Variants in LRRC28 observed in about 807,000 individuals in gnomAD.
LRRC28 encodes leucine rich repeat containing 28.
Under a neutral mutation model 45.7 loss-of-function variants are expected in LRRC28, and 39 were observed. The ratio of observed to expected loss-of-function variants is 0.85; its 90% CI spans 0.66 to 1.12. The LOEUF is 1.12. Among genes scored for constraint, LRRC28 ranks in the 50% most tolerant of loss-of-function variants. The probability of loss-of-function intolerance (pLI) is 0.00; values close to 1 mark genes in which losing one functional copy is unlikely to be tolerated. For synonymous variants in LRRC28, 206 were observed against 178.8 expected, an observed-to-expected ratio of 1.15 and a Z score of -1.22; for missense variants, 435 against 438.5, an observed-to-expected ratio of 0.99 and a Z score of 0.07.
intron 3 of LRRC28, 110 bp from the exon 4 acceptor site, chr15:99,287,147 A>G (rs1359695405): frequency 2.4e-6 from 2 of 848,888 alleles, no homozygotes; most frequent in African/African-American, 3.6e-5. Context: ...AGGGTGCAAA[A>G]GTTGTGGCCT....
In LRRC28 at chr15:99,370,038, A is replaced by T. The variant is rs568528076; in HGVS notation, c.1031+6773A>T. Among the ~76,000 whole-genome samples, 8 of 152,344 alleles carry T rather than the reference A, an allele frequency of 5.3e-5. No homozygotes were observed. In the East Asian group the frequency reaches 1.5e-3, roughly 29 times the overall value. On this transcript the variant is annotated intron_variant, in intron 9 of 9. Transcript: ENST00000301981. The stretch of plus-strand genomic sequence containing the variant: ...TTAGTACTGTAAGATAGGTACTATC[A>T]TTAAGTTGAATCATACAAGTCATAT...
Position 99,386,945 on chromosome 15 carries a change from AAC to A in LRRC28, c.*849_*850del, listed in dbSNP as rs545972698. Reference sequence around the variant, plus strand: ...TCCATACAATGAGAAAGGGGGAGAAAACACACATTGAAATAAGACCTCCGTGT... The same window carrying A: ...TCCATACAATGAGAAAGGGGGAGAAAACACATTGAAATAAGACCTCCGTGT... On this transcript the variant is annotated 3_prime_UTR_variant, in exon 10 of 10. Coordinates refer to ENST00000301981, the MANE Select transcript of LRRC28 (RefSeq NM_144598.5). 1.0e-3 allele frequency: 158 copies of A among 152,318 alleles called. No homozygotes were observed. The highest frequency in any genetic ancestry group is 3.5e-3 in the African/African-American group (147 of 41,572). The allele number at this position is 152,318 out of a possible 1,614,324, so 9.4% of individuals were successfully genotyped here.
At position 99,386,796 on chromosome 15, in the gene LRRC28, G is replaced by C. The variant is rs1317313206; in HGVS notation, c.*694G>C. ...AATACACTTCCTGTTTTTTAAAAGT[G>C]TTTGCAGAAAAATGATTTTTGAAGT... On this transcript the variant is annotated 3_prime_UTR_variant, in exon 10 of 10. Transcript: ENST00000301981. The C allele has an allele frequency of 6.6e-6, 1 of 152,126 alleles. No individual in the cohort carries two copies. The highest frequency in any genetic ancestry group is 1.5e-5 in the Non-Finnish European group (1 of 68,020). 9.4% of individuals were successfully genotyped at this position (152,126 alleles called of 1,614,324 possible).
intron 3 of LRRC28, among the ~76,000 whole-genome samples, chr15:99,286,526 C>T (rs2081964858): frequency 6.6e-6 from 1 of 152,118 alleles, no homozygotes; most frequent in Non-Finnish European, 1.5e-5. Flanking sequence ...AATTTATTTT[C>T]TTAAATTATT....
chr15:99,284,537 G>T, intron 3 of LRRC28: 2 of 457,146 alleles, frequency 4.4e-6, no homozygotes, highest in Admixed American at 2.3e-5. Context: ...GCTTGGCTGA[G>T]TTCACAAAAC....
intron 5 of LRRC28, among the ~76,000 whole-genome samples, chr15:99,305,527 GAA>G (rs908004119): frequency 6.6e-6 from 1 of 151,998 alleles, no homozygotes; most frequent in African/African-American, 2.4e-5. Flanking sequence ...ATGTTTATAA[GAA>G]AAAAGTATTT....
At chr15:99,365,633 T>C (rs1326715772) in intron 9 of LRRC28, among the ~76,000 whole-genome samples, 1 of 152,256 alleles carries the variant, frequency 6.6e-6, no homozygotes. Context: ...CTTTCTAAGT[T>C]TTCTAATATA....
At chr15:99,332,472 A>C (rs773638110) in intron 5 of LRRC28, among the ~76,000 whole-genome samples, 2 of 152,256 alleles carry the variant, frequency 1.3e-5, no homozygotes, top group Non-Finnish European at 2.9e-5. Context: ...TTTATAAAGT[A>C]AAATAATTAT....
rs1452759371 is a variant in LRRC28, at chr15:99,387,238, T to C, written c.*1136T>C. On this transcript the variant is annotated 3_prime_UTR_variant, in exon 10 of 10. Coordinates refer to ENST00000301981, the MANE Select transcript of LRRC28 (RefSeq NM_144598.5). Reference sequence around the variant, plus strand: ...ACCACGCCCGGCTAATTTTTTGTATTTTTAGTAGAGACGGGGTTTCACCGT... The same window carrying C: ...ACCACGCCCGGCTAATTTTTTGTATCTTTAGTAGAGACGGGGTTTCACCGT... 1 of 149,830 alleles carries C rather than the reference T, an allele frequency of 6.7e-6. No homozygotes were observed. The highest frequency in any genetic ancestry group is 2.2e-4 in the South Asian group (1 of 4,584). 9.3% of individuals were successfully genotyped at this position (149,830 alleles called of 1,614,324 possible). A position where few individuals can be genotyped will look rare whatever the true frequency, so the allele number is the denominator to read the frequency against.
chr15:99,275,902 G>A (rs1232532957), intron 2 of LRRC28, among the ~76,000 whole-genome samples: 1 of 152,134 alleles, frequency 6.6e-6, no homozygotes, highest in African/African-American at 2.4e-5. Flanking sequence ...GAACGGGGCC[G>A]CACAGCAGGA....
chr15:99,343,493 A>C (rs779583659), intron 6 of LRRC28, among the ~76,000 whole-genome samples: 14 of 152,198 alleles, frequency 9.2e-5, no homozygotes, highest in Admixed American at 6.5e-5. Context: ...AGATTTTGCT[A>C]ATTTCTAAGT....
chr15:99,268,236 C>T (rs893346800), intron 2 of LRRC28, among the ~76,000 whole-genome samples: 1 of 152,134 alleles, frequency 6.6e-6, no homozygotes, highest in Non-Finnish European at 1.5e-5. Flanking sequence ...AAGTCTGTGT[C>T]TGAGTTTTCC....
chr15:99,347,504 A>C (rs1277220462), intron 6 of LRRC28, among the ~76,000 whole-genome samples: 1 of 152,202 alleles, frequency 6.6e-6, no homozygotes, highest in Non-Finnish European at 1.5e-5. Flanking sequence ...TCTTTTTAAA[A>C]AAATACTCTG....
chr15:99,361,354 A>G lies in LRRC28; in HGVS notation c.714A>G (p.Gln238=), dbSNP rs146572776. The change falls in exon 8 of 10, where the codon CAA becomes CAG. Residue 238 remains glutamine (Q), a synonymous_variant. Transcript: ENST00000301981. ...TCTGCAGCTGTGGTGCTCCCATTCA[A>G]GTTTCCGAGGTGAAGCTGCTTTCCT... ...IGCSGCGAPI[Q]VSEVKLLSFS... 6.1e-5 allele frequency: 98 copies of G among 1,613,020 alleles called. No homozygotes were observed. The African/African-American group carries it at 9.7e-4, about 16-fold the overall frequency.
chr15:99,361,329 T>A lies in LRRC28; in HGVS notation c.696-7T>A, dbSNP rs751523397. 35 of 1,607,646 alleles carry A rather than the reference T, an allele frequency of 2.2e-5. No homozygotes were observed. In the East Asian group the frequency reaches 7.4e-4, roughly 34 times the overall value. ...TAATAATACTGTGAATGTGTGTCTTTCTGCAGCTGTGGTGCTCCCATTCAA... is the reference window on the plus strand; with the variant it reads ...TAATAATACTGTGAATGTGTGTCTTACTGCAGCTGTGGTGCTCCCATTCAA... On this transcript the variant is annotated splice_region_variant and splice_polypyrimidine_tract_variant and intron_variant, in intron 7 of 9. Coordinates refer to ENST00000301981, the MANE Select transcript of LRRC28 (RefSeq NM_144598.5).
intron 1 of LRRC28, among the ~76,000 whole-genome samples, chr15:99,252,275 C>G (rs74993793): frequency 0.093 from 14,134 of 152,186 alleles, 698 homozygotes; most frequent in African/African-American, 0.13. Flanking sequence ...GTGTATGGCC[C>G]GTGAATGCAT....
chr15:99,293,604 A>AAAAAAAAAAAAAAAAAAC (rs2082186929), intron 5 of LRRC28, among the ~76,000 whole-genome samples: 1 of 95,790 alleles, frequency 1.0e-5, no homozygotes, highest in Non-Finnish European at 2.0e-5. Context: ...AAAAAAAAAA[A>AAAAAAAAAAAAAAAAAAC]AAAAAAAAAA....
chr15:99,281,784 G>A (rs1828565833), intron 3 of LRRC28, among the ~76,000 whole-genome samples: 2 of 152,092 alleles, frequency 1.3e-5, no homozygotes, highest in African/African-American at 2.4e-5. Flanking sequence ...AGGTGGTTAG[G>A]TTAGCCCTAT....
rs1488438388 is a variant in LRRC28, at chr15:99,386,097, AG to A, written c.1100del (p.Ser367IlefsTer14). ...TQCLQTFDLL[S>X] ...GTGTCTGCAGACTTTTGACCTGCTG[AG>A]TTGATAAACACTCAAGAACCTCAGG... On this transcript the variant is annotated frameshift_variant, in exon 10 of 10. Transcript: ENST00000301981. LOFTEE classifies it high-confidence loss of function. 1 of 1,613,896 alleles carries A rather than the reference AG, an allele frequency of 6.2e-7. No individual in the cohort carries two copies. The highest frequency in any genetic ancestry group is 1.3e-5 in the African/African-American group (1 of 75,016).
Sources: allele counts gnomAD v4.1 joint callset (sites outside exome capture counted in the v4.1 genomes callset), GRCh38; gene constraint gnomAD v4.1.1; transcripts MANE v1.5; gene names NCBI Gene and HGNC (gene_info 2026-07-23, HGNC 2026-07-21).